Variants in CDKAL1 observed in about 807,000 individuals in gnomAD.
CDKAL1 encodes CDKAL1 threonylcarbamoyladenosine tRNA methylthiotransferase, also known as threonylcarbamoyladenosine tRNA methylthiotransferase.
In CDKAL1, 32 loss-of-function variants were observed where a neutral mutation model predicts 68.2. The observed-to-expected ratio is 0.47, with a 90% confidence interval of 0.35 to 0.63. The LOEUF is 0.63. Ranked by LOEUF, CDKAL1 falls within the 30% of genes least tolerant of loss-of-function variation. The pLI, the probability that CDKAL1 is intolerant of heterozygous loss-of-function variation, is 0.00. For synonymous variants in CDKAL1, 234 were observed against 244.3 expected, an observed-to-expected ratio of 0.96 and a Z score of 0.39; for missense variants, 606 against 696.7, an observed-to-expected ratio of 0.87 and a Z score of 1.47.
At chr6:21,074,138 T>G (rs1187787886) in intron 12 of CDKAL1, among the ~76,000 whole-genome samples, 1 of 152,204 alleles carries the variant, frequency 6.6e-6, no homozygotes, top group Non-Finnish European at 1.5e-5. Flanking sequence ...ATCTGACGAT[T>G]CTAGAGGCTA....
At chr6:21,121,437 C>T (rs75320777) in intron 13 of CDKAL1, among the ~76,000 whole-genome samples, 2,648 of 152,254 alleles carry the variant, frequency 0.017, 83 homozygotes, top group African/African-American at 0.059. Flanking sequence ...ACCATTAATT[C>T]ACATAACGCT....
intron 11 of CDKAL1, among the ~76,000 whole-genome samples, chr6:21,012,243 T>C (rs1315166387): frequency 2.0e-5 from 3 of 152,156 alleles, no homozygotes; most frequent in African/African-American, 4.8e-5. Flanking sequence ...GCTAAGAAAA[T>C]TTAGTGTTTA....
chr6:20,627,154 A>G (rs1767468799), intron 4 of CDKAL1, among the ~76,000 whole-genome samples: 1 of 152,194 alleles, frequency 6.6e-6, no homozygotes, highest in Non-Finnish European at 1.5e-5. Context: ...TTCAAAGTCC[A>G]GAATGTCTGC....
At chr6:21,149,879 A>C (rs1031983248) in intron 13 of CDKAL1, among the ~76,000 whole-genome samples, 3 of 152,112 alleles carry the variant, frequency 2.0e-5, no homozygotes, top group Admixed American at 6.5e-5. Context: ...TTATTTTGAG[A>C]TAGAGTCTTG....
At chr6:21,090,478 A>G (rs1331193297) in intron 12 of CDKAL1, among the ~76,000 whole-genome samples, 1 of 152,230 alleles carries the variant, frequency 6.6e-6, no homozygotes, top group Non-Finnish European at 1.5e-5. Flanking sequence ...CATTGTGCTT[A>G]GAAAAACAAA....
At chr6:20,562,710 C>T (rs1403902946) in intron 4 of CDKAL1, among the ~76,000 whole-genome samples, 1 of 151,796 alleles carries the variant, frequency 6.6e-6, no homozygotes, top group East Asian at 1.9e-4. Flanking sequence ...CCACTACACT[C>T]CAGCCTGGGC....
chr6:20,900,042 T>C (rs1288069908), intron 9 of CDKAL1, among the ~76,000 whole-genome samples: 1 of 152,218 alleles, frequency 6.6e-6, no homozygotes, highest in Non-Finnish European at 1.5e-5. Context: ...TAGCACCCTC[T>C]GTTCTTACTA....
intron 12 of CDKAL1, among the ~76,000 whole-genome samples, chr6:21,085,012 T>C (rs1772616409): frequency 6.6e-6 from 1 of 152,216 alleles, no homozygotes; most frequent in African/African-American, 2.4e-5. Flanking sequence ...TTCATACTGA[T>C]AATTTGTCAG....
chr6:20,764,442 C>T (rs1774606186), intron 7 of CDKAL1, among the ~76,000 whole-genome samples: 1 of 152,280 alleles, frequency 6.6e-6, no homozygotes, highest in Admixed American at 6.5e-5. Flanking sequence ...CCTAACTTCT[C>T]AGTAATTGGT....
intron 4 of CDKAL1, among the ~76,000 whole-genome samples, chr6:20,618,327 G>A (rs1218965585): frequency 1.3e-5 from 2 of 152,060 alleles, no homozygotes; most frequent in Non-Finnish European, 2.9e-5. Context: ...TTTGTCAGAT[G>A]GGTAGATTGC....
intron 2 of CDKAL1, among the ~76,000 whole-genome samples, chr6:20,541,195 G>A (rs187214532): frequency 6.6e-6 from 1 of 152,246 alleles, no homozygotes; most frequent in Admixed American, 6.5e-5. Flanking sequence ...AGACTAACCT[G>A]GTTCATTTCA....
intron 13 of CDKAL1, among the ~76,000 whole-genome samples, chr6:21,142,970 C>G (rs1436649961): frequency 6.6e-6 from 1 of 152,148 alleles, no homozygotes; most frequent in Admixed American, 6.5e-5. Flanking sequence ...AGAAAAAAAT[C>G]CTGCCAGACA....
Position 20,609,549 on chromosome 6 carries a change from C to G in CDKAL1, c.287-39744C>G, listed in dbSNP as rs536414165. 3.3e-5 allele frequency among the ~76,000 whole-genome samples: 5 copies of G among 151,970 alleles called. No individual in the cohort carries two copies. In the South Asian group the frequency reaches 1.0e-3, roughly 32 times the overall value. ...TAGCTAGGATTACAGGTGTGCACCA[C>G]CACGCCCAGCTAATTTTTGTATTTT... On this transcript the variant is annotated intron_variant, in intron 4 of 15. Transcript: ENST00000274695.
intron 9 of CDKAL1, among the ~76,000 whole-genome samples, chr6:20,888,034 G>A (rs2150573242): frequency 6.6e-6 from 1 of 151,870 alleles, no homozygotes; most frequent in South Asian, 2.1e-4. Flanking sequence ...GTGCAGGTTT[G>A]TTACTCATGT....
intron 4 of CDKAL1, among the ~76,000 whole-genome samples, chr6:20,597,724 T>A (rs1304337410): frequency 6.6e-6 from 1 of 152,202 alleles, no homozygotes; most frequent in East Asian, 1.9e-4. Context: ...CCCATAATTT[T>A]ATTAATAGTA....
intron 4 of CDKAL1, among the ~76,000 whole-genome samples, chr6:20,556,244 A>G (rs1246699010): frequency 6.6e-6 from 1 of 152,074 alleles, no homozygotes; most frequent in Non-Finnish European, 1.5e-5. Context: ...GCATGCCTGT[A>G]ATCCCAGCTA....
intron 5 of CDKAL1, among the ~76,000 whole-genome samples, chr6:20,654,158 C>T (rs995294266): frequency 1.3e-5 from 2 of 152,236 alleles, no homozygotes; most frequent in African/African-American, 4.8e-5. Flanking sequence ...ACTGGGATTA[C>T]AGGCGTGAGC....
intron 8 of CDKAL1, among the ~76,000 whole-genome samples, chr6:20,826,935 A>G (rs923663007): frequency 5.9e-5 from 9 of 152,216 alleles, no homozygotes; most frequent in African/African-American, 1.9e-4. Context: ...CTTCATAGTC[A>G]TGGACATTAC....
At position 20,637,102 on chromosome 6, in the gene CDKAL1, A is replaced by G. The variant is rs144089459; in HGVS notation, c.287-12191A>G. Among the ~76,000 whole-genome samples, 526 of 152,206 alleles carry G rather than the reference A, an allele frequency of 3.5e-3. 4 individuals are homozygous for G. Among genetic ancestry groups the G allele is most frequent in the African/African-American group, 0.012 (482 of 41,512 alleles). ...TTTCACTGCTTTGTGCATTCTGCCA[A>G]ATGTTTATGGTGTCAGTTACCTTGA... On this transcript the variant is annotated intron_variant, in intron 4 of 15. Coordinates refer to ENST00000274695, the MANE Select transcript of CDKAL1 (RefSeq NM_017774.3).
Sources: gnomAD v4.1 joint callset for allele counts (sites outside exome capture counted in the v4.1 genomes callset) on GRCh38, gnomAD v4.1.1 for gene constraint, MANE v1.5 for transcripts, NCBI Gene and HGNC (gene_info 2026-07-23, HGNC 2026-07-21) for gene names.